The following EPB41L3 variants were observed in gnomAD, a reference collection of about 807,000 sequenced individuals.
EPB41L3 encodes band 4.1-like protein 3.
In EPB41L3, 57 loss-of-function variants were observed where a neutral mutation model predicts 127.1. The observed-to-expected ratio is 0.45, with a 90% CI of 0.36 to 0.56. The LOEUF is 0.56. Ranked by LOEUF, EPB41L3 falls within the 20% of genes least tolerant of loss-of-function variation. EPB41L3 has a pLI of 0.00. For missense variants in EPB41L3, 1,273 were observed against 1,372.2 expected (o/e 0.93, Z 1.14); for synonymous variants, 572 against 549.5 (o/e 1.04, Z -0.57).
At chr18:5,510,205 T>C (rs2092442852) in intron 1 of EPB41L3, among the ~76,000 whole-genome samples, 2 of 152,220 alleles carry the variant, frequency 1.3e-5, no homozygotes. Context: ...GCCCATGACA[T>C]GTAGTCCAGG....
At chr18:5,564,252 T>C (rs1246497520) in intron 3 of EPB41L3, among the ~76,000 whole-genome samples, 2 of 152,154 alleles carry the variant, frequency 1.3e-5, no homozygotes, top group African/African-American at 4.8e-5. Context: ...ATAATAATAA[T>C]TGCTATGTTT....
chr18:5,592,645 G>A (rs1204508711), intron 3 of EPB41L3, among the ~76,000 whole-genome samples: 1 of 152,198 alleles, frequency 6.6e-6, no homozygotes, highest in Non-Finnish European at 1.5e-5. Context: ...CAAATATGGA[G>A]CCAGGCTTCC....
chr18:5,396,163 T>TA (rs1477513350), intron 19 of EPB41L3, 38 bp downstream of exon 19: 1 of 1,613,592 alleles, frequency 6.2e-7, no homozygotes, highest in Non-Finnish European at 8.5e-7. Flanking sequence ...AGGGGTGAAA[T>TA]AAGCAGCCAG....
At chr18:5,395,286 C>T (rs1445183744) in intron 20 of EPB41L3, 139 bp from the exon 21 acceptor site, 15 of 796,994 alleles carry the variant, frequency 1.9e-5, no homozygotes, top group Admixed American at 4.1e-5. Flanking sequence ...ACTTATTTCA[C>T]ATTTTTAATT....
rs765056012 is a variant in EPB41L3 at position 5,415,925 on chromosome 18, G to C, written c.1960C>G (p.Leu654Val). The change falls in exon 13 of 23, where the codon CTC (leucine) becomes GTC (valine). Residue 654 changes from leucine to valine, a missense_variant. Around this residue, in one of 3 missense-constraint regions of EPB41L3, gnomAD observed 765 missense variants for 782.9 expected, o/e 0.98. Coordinates refer to ENST00000341928, the MANE Select transcript of EPB41L3 (RefSeq NM_012307.5). Reference sequence around the variant, plus strand: ...AGAGCCAGAGGGAAGGAGAGAGTGAGAGCGTATGGCACTGAGAAGGAGGCA... The same window carrying C: ...AGAGCCAGAGGGAAGGAGAGAGTGACAGCGTATGGCACTGAGAAGGAGGCA... ...LSASFSVPYA[L>V]TLSFPLALCL... 4.3e-6 allele frequency: 7 copies of C among 1,613,980 alleles called. No individual in the cohort carries two copies. The highest frequency in any genetic ancestry group is 2.7e-5 in the African/African-American group (2 of 74,904).
At chr18:5,573,074 C>T (rs1322486382) in intron 3 of EPB41L3, among the ~76,000 whole-genome samples, 1 of 152,188 alleles carries the variant, frequency 6.6e-6, no homozygotes, top group Non-Finnish European at 1.5e-5. Flanking sequence ...TTTCTACGGT[C>T]ACGTCTAAGG....
intron 1 of EPB41L3, among the ~76,000 whole-genome samples, chr18:5,531,734 A>G (rs1369310541): frequency 4.8e-5 from 7 of 145,474 alleles, no homozygotes; most frequent in Admixed American, 1.3e-4. Context: ...CCTGTCTCAA[A>G]AAAAAAAAAA....
intron 1 of EPB41L3, among the ~76,000 whole-genome samples, chr18:5,509,898 G>A (rs142799464): frequency 4.0e-4 from 61 of 152,250 alleles, no homozygotes; most frequent in Non-Finnish European, 6.0e-4. Context: ...CTAAACACAT[G>A]CAAATGAGTG....
At chr18:5,513,969 G>C (rs2092651050) in intron 1 of EPB41L3, among the ~76,000 whole-genome samples, 1 of 152,148 alleles carries the variant, frequency 6.6e-6, no homozygotes, top group African/African-American at 2.4e-5. Flanking sequence ...TCTAAAACTT[G>C]AAGTCCATGT....
chr18:5,547,287 C>G (rs1488176099), upstream of EPB41L3, among the ~76,000 whole-genome samples: 1 of 152,146 alleles, frequency 6.6e-6, no homozygotes, highest in African/African-American at 2.4e-5. Flanking sequence ...AATGTAACCC[C>G]CCTTGTGGTG....
At chr18:5,520,282 G>A (rs768063041) in intron 1 of EPB41L3, among the ~76,000 whole-genome samples, 18 of 152,144 alleles carry the variant, frequency 1.2e-4, no homozygotes, top group Non-Finnish European at 4.4e-5. Context: ...TTAGAGAAGG[G>A]ACCAGAGCTA....
At chr18:5,484,498 C>A (rs1424321975) in intron 2 of EPB41L3, among the ~76,000 whole-genome samples, 5 of 148,394 alleles carry the variant, frequency 3.4e-5, no homozygotes, top group Admixed American at 6.7e-5. Flanking sequence ...ATGATCAGAG[C>A]AGAAATAAAT....
At chr18:5,596,250 T>C (rs1338095252) in intron 3 of EPB41L3, among the ~76,000 whole-genome samples, 1 of 152,232 alleles carries the variant, frequency 6.6e-6, no homozygotes, top group Non-Finnish European at 1.5e-5. Flanking sequence ...CACTGATTTC[T>C]GGGTCCCACC....
intron 3 of EPB41L3, among the ~76,000 whole-genome samples, chr18:5,557,470 C>T (rs750203933): frequency 3.9e-5 from 6 of 152,242 alleles, no homozygotes; most frequent in African/African-American, 1.2e-4. Flanking sequence ...CCCAACCCTC[C>T]GCCTCCCAGG....
chr18:5,627,508 A>G (rs749665353), intron 1 of EPB41L3, among the ~76,000 whole-genome samples: 7 of 152,228 alleles, frequency 4.6e-5, no homozygotes, highest in Non-Finnish European at 1.0e-4. Flanking sequence ...GATTTCACCA[A>G]TCCCAAAGAG....
chr18:5,425,914 A>T (rs1274070150), intron 9 of EPB41L3, among the ~76,000 whole-genome samples: 1 of 152,204 alleles, frequency 6.6e-6, no homozygotes, highest in Non-Finnish European at 1.5e-5. Flanking sequence ...CTGAAATGTC[A>T]TCATGGGGCC....
intron 3 of EPB41L3, among the ~76,000 whole-genome samples, chr18:5,600,633 A>G (rs1280194687): frequency 1.5e-5 from 2 of 135,198 alleles, no homozygotes; most frequent in Non-Finnish European, 3.5e-5. Flanking sequence ...AGAAAAAAAC[A>G]TTACAATTAC....
intron 3 of EPB41L3, among the ~76,000 whole-genome samples, chr18:5,592,520 C>T (rs1015447391): frequency 7.9e-5 from 12 of 152,216 alleles, no homozygotes; most frequent in African/African-American, 2.9e-4. Flanking sequence ...CCCTGGGAAT[C>T]CTGGCTAGGC....
At chr18:5,457,046 G>C (rs2083204988) in intron 3 of EPB41L3, among the ~76,000 whole-genome samples, 1 of 152,166 alleles carries the variant, frequency 6.6e-6, no homozygotes, top group African/African-American at 2.4e-5. Flanking sequence ...TAAGTTCTGT[G>C]GTTACAATCT....
Sources: gnomAD v4.1 joint callset for allele counts (sites outside exome capture counted in the v4.1 genomes callset) on GRCh38, gnomAD v4.1.1 for gene constraint, gnomAD v4.1.1 regional missense constraint, MANE v1.5 for transcripts, NCBI Gene and HGNC (gene_info 2026-07-23, HGNC 2026-07-21) for gene names.